Variants in MID1 observed in about 807,000 individuals in gnomAD.
MID1 encodes midline 1, also known as E3 ubiquitin-protein ligase Midline-1.
Under a neutral mutation model 40.4 loss-of-function variants are expected in MID1, and 7 were observed. The ratio of observed to expected loss-of-function variants is 0.17; its 90% CI spans 0.10 to 0.33. The LOEUF is 0.33. MID1 is among the 10% of genes least tolerant of loss of function. The pLI, the probability that MID1 is intolerant of heterozygous loss-of-function variation, is 1.00. For synonymous variants in MID1, 229 were observed against 221.2 expected (o/e 1.04, Z -0.31); for missense variants, 367 against 558.5 (o/e 0.66, Z 3.46).
chrX:10,799,102 G>A (rs1015131552), intron 1 of MID1, among the ~76,000 whole-genome samples: 2 of 111,408 alleles, frequency 1.8e-5, no homozygotes, highest in African/African-American at 6.5e-5. Context: ...GGAGTTGAGG[G>A]CATCAGATCA....
intron 1 of MID1, among the ~76,000 whole-genome samples, chrX:10,780,654 C>T (rs1378615472): frequency 3.6e-5 from 4 of 112,040 alleles, no homozygotes; most frequent in African/African-American, 1.3e-4. Context: ...TCCAACCAGA[C>T]TCAAAGAAAC....
At chrX:10,691,695 C>A (rs140177228) in intron 1 of MID1, among the ~76,000 whole-genome samples, 1 of 111,722 alleles carries the variant, frequency 9.0e-6, no homozygotes, top group African/African-American at 3.3e-5. Context: ...TGAAAAAGAA[C>A]AGAATAACAG....
chrX:10,469,823 T>C lies in MID1; in HGVS notation c.1159A>G (p.Ile387Val). The C allele has an allele frequency of 1.7e-6, 2 of 1,210,846 alleles. No homozygotes were observed. The highest frequency in any genetic ancestry group is 2.2e-6 in the Non-Finnish European group (2 of 895,087). Residue 387 changes from isoleucine to valine, a missense_variant, in exon 7 of 10, where the codon ATT becomes GTT. Transcript: ENST00000317552. ...GAAGCTGTGCAGAGCTCTTCTCTAA[T>C]TGTGGGAGGGTTGGGAGCTGTGGGG... ...DYLTAPNPPT[I>V]REELCTASYD... is the part of the protein sequence containing the mutation.
At chrX:10,518,373 T>C (rs1932552917) in intron 3 of MID1, among the ~76,000 whole-genome samples, 1 of 111,700 alleles carries the variant, frequency 9.0e-6, no homozygotes, top group Non-Finnish European at 1.9e-5. Context: ...AACCCAGTAA[T>C]ATGCAACTTA....
At chrX:10,744,014 G>A (rs1182851555) in intron 1 of MID1, among the ~76,000 whole-genome samples, 1 of 111,419 alleles carries the variant, frequency 9.0e-6, no homozygotes, top group Non-Finnish European at 1.9e-5. Flanking sequence ...TGCCCCCTAG[G>A]TTAGAGAAGG....
intron 1 of MID1, among the ~76,000 whole-genome samples, chrX:10,779,553 A>G (rs1468159504): frequency 1.8e-5 from 2 of 112,107 alleles, no homozygotes; most frequent in African/African-American, 6.5e-5. Flanking sequence ...AGTTAAGTCT[A>G]TTTCGAGGTC....
chrX:10,526,724 C>CA (rs1485310676), intron 2 of MID1, among the ~76,000 whole-genome samples: 2 of 112,015 alleles, frequency 1.8e-5, no homozygotes, highest in East Asian at 5.6e-4. Flanking sequence ...AATACATAGA[C>CA]TAAAGCCTGT....
chrX:10,500,542 T>A (rs1452373249), intron 3 of MID1, among the ~76,000 whole-genome samples: 2 of 112,526 alleles, frequency 1.8e-5, no homozygotes, highest in East Asian at 5.5e-4. Context: ...TATTTCAGAA[T>A]TTTTTCTACT....
intron 3 of MID1, among the ~76,000 whole-genome samples, chrX:10,514,221 CA>C (rs1932293091): frequency 8.9e-6 from 1 of 111,980 alleles, no homozygotes; most frequent in African/African-American, 3.2e-5. Flanking sequence ...TCATACCACC[CA>C]AACTAGAAAG....
chrX:10,755,146 T>C (rs917845042), intron 1 of MID1, among the ~76,000 whole-genome samples: 1 of 112,027 alleles, frequency 8.9e-6, no homozygotes, highest in African/African-American at 3.2e-5. Flanking sequence ...TGTAGATTGA[T>C]GATTTAAACA....
At chrX:10,753,752 A>G (rs1372328157) in intron 1 of MID1, among the ~76,000 whole-genome samples, 1 of 112,245 alleles carries the variant, frequency 8.9e-6, no homozygotes, top group Non-Finnish European at 1.9e-5. Flanking sequence ...ATATTTTTAT[A>G]TCGTGTCCCC....
At chrX:10,557,033 C>T (rs926806815) in intron 2 of MID1, among the ~76,000 whole-genome samples, 2 of 111,793 alleles carry the variant, frequency 1.8e-5, no homozygotes, top group Non-Finnish European at 3.8e-5. Flanking sequence ...TAAGTTGCAA[C>T]CACAATTCCT....
intron 1 of MID1, among the ~76,000 whole-genome samples, chrX:10,765,257 T>G (rs1031131219): frequency 7.0e-4 from 78 of 112,057 alleles, no homozygotes; most frequent in Non-Finnish European, 2.6e-4. Context: ...TCAAGATGAA[T>G]TTTTTCCAGG....
At chrX:10,793,162 T>A (rs991403198) in intron 1 of MID1, among the ~76,000 whole-genome samples, 4 of 112,611 alleles carry the variant, frequency 3.6e-5, no homozygotes, top group African/African-American at 1.3e-4. Context: ...CCTTCCCACA[T>A]CTGTGGAAAG....
chrX:10,597,637 A>G (rs1196956508), intron 1 of MID1, among the ~76,000 whole-genome samples: 1 of 111,989 alleles, frequency 8.9e-6, no homozygotes. Flanking sequence ...AATTTCATGC[A>G]AGGAGCAATT....
At chrX:10,557,506 C>T (rs1934169120) in intron 2 of MID1, among the ~76,000 whole-genome samples, 1 of 111,868 alleles carries the variant, frequency 8.9e-6, no homozygotes, top group Non-Finnish European at 1.9e-5. Flanking sequence ...GGGAACTGTG[C>T]TCTAGTCCTA....
intron 1 of MID1, among the ~76,000 whole-genome samples, chrX:10,805,086 A>G (rs2044034468): frequency 9.1e-6 from 1 of 109,820 alleles, no homozygotes; most frequent in African/African-American, 3.3e-5. Flanking sequence ...TATTATTATT[A>G]TACTTTAAGT....
At chrX:10,775,131 G>T (rs1231199389) in intron 1 of MID1, among the ~76,000 whole-genome samples, 1 of 105,265 alleles carries the variant, frequency 9.5e-6, no homozygotes, top group Non-Finnish European at 2.0e-5. Context: ...GAGGGGCGAG[G>T]GAGGAGGGGG....
intron 1 of MID1, among the ~76,000 whole-genome samples, chrX:10,600,308 A>C (rs1338159070): frequency 3.6e-5 from 4 of 111,369 alleles, no homozygotes; most frequent in African/African-American, 1.3e-4. Context: ...AAAGAAAAAA[A>C]AAAGAGTAAA....
Sources: allele counts gnomAD v4.1 joint callset (sites outside exome capture counted in the v4.1 genomes callset), GRCh38; gene constraint gnomAD v4.1.1; transcripts MANE v1.5; gene names NCBI Gene and HGNC (gene_info 2026-07-23, HGNC 2026-07-21).